The following TRPC4AP variants were observed in gnomAD, a reference collection of about 807,000 sequenced individuals.
The protein encoded by TRPC4AP is transient receptor potential cation channel subfamily C member 4 associated protein.
In TRPC4AP, 45 loss-of-function variants were observed where a neutral mutation model predicts 99.0. The ratio of observed to expected loss-of-function variants is 0.45; its 90% CI spans 0.36 to 0.58. TRPC4AP has a LOEUF of 0.58. Among genes scored for constraint, TRPC4AP ranks in the 20% least tolerant of loss-of-function variants. The pLI is 0.00. For synonymous variants in TRPC4AP, 408 were observed against 385.8 expected (o/e 1.06, Z -0.67); for missense variants, 879 against 985.3 (o/e 0.89, Z 1.44).
rs1297167390 is a variant in TRPC4AP at position 35,003,420 on chromosome 20, C to T, written c.2246G>A (p.Cys749Tyr). 1 of 1,614,104 alleles carries T rather than the reference C, an allele frequency of 6.2e-7. No individual in the cohort carries two copies. The highest frequency in any genetic ancestry group is 8.5e-7 in the Non-Finnish European group (1 of 1,180,020). Reference protein sequence around the residue: ...HYLHKDKDSTCLENSSCISFS... With the variant: ...HYLHKDKDSTYLENSSCISFS... ...GGGTGGGGCACTCACGTTCTCTAGG[C>T]AGGTGCTGTCCTTGTCCTTGTGCAG... Residue 749 changes from cysteine to tyrosine, a missense_variant, in exon 18 of 19, where the codon TGC becomes TAC. Cys to Tyr is a radical substitution (Grantham distance 194). This residue lies in a region of TRPC4AP where 224 missense variants were observed against 264.7 expected (regional missense o/e 0.85). Transcript: ENST00000252015.
At chr20:35,010,450 G>C (rs979080256) in intron 11 of TRPC4AP, among the ~76,000 whole-genome samples, 162 bp from the exon 12 acceptor site, 2 of 152,118 alleles carry the variant, frequency 1.3e-5, no homozygotes, top group African/African-American at 4.8e-5. Flanking sequence ...GCACCTGCAG[G>C]AGGGAACTCT....
At chr20:35,045,034 A>G (rs1025416675) in intron 6 of TRPC4AP, among the ~76,000 whole-genome samples, 8 of 152,168 alleles carry the variant, frequency 5.3e-5, no homozygotes, top group African/African-American at 1.9e-4. Flanking sequence ...CTACCACTCA[A>G]GTTTTGGAAA....
intron 8 of TRPC4AP, among the ~76,000 whole-genome samples, chr20:35,027,643 TG>T (rs2083064000): frequency 6.6e-6 from 1 of 152,226 alleles, no homozygotes; most frequent in Non-Finnish European, 1.5e-5. Context: ...TGAAGCCATG[TG>T]GGCCAGGACT....
At chr20:35,084,000 A>G (rs142373810) in intron 1 of TRPC4AP, among the ~76,000 whole-genome samples, 29 of 152,064 alleles carry the variant, frequency 1.9e-4, no homozygotes, top group East Asian at 5.8e-4. Context: ...GGAACAAATT[A>G]TAAGTATACA....
At chr20:35,024,885 C>CAT (rs2082991514) in intron 8 of TRPC4AP, among the ~76,000 whole-genome samples, 1 of 137,118 alleles carries the variant, frequency 7.3e-6, no homozygotes, top group Non-Finnish European at 1.5e-5. Flanking sequence ...AGGTGACAGT[C>CAT]ATTTGCGTTG....
At chr20:35,017,504 C>T (rs373745235) in intron 9 of TRPC4AP, among the ~76,000 whole-genome samples, 31 of 152,284 alleles carry the variant, frequency 2.0e-4, no homozygotes, top group South Asian at 1.7e-3. Flanking sequence ...TAGCCCTTCT[C>T]GGGGCTGTTG....
At chr20:35,043,024 CT>C (rs1412997979) in intron 7 of TRPC4AP, among the ~76,000 whole-genome samples, 1 of 148,736 alleles carries the variant, frequency 6.7e-6, no homozygotes, top group African/African-American at 2.5e-5. Context: ...TATTCTCCCC[CT>C]GACTTAATAC....
intron 8 of TRPC4AP, among the ~76,000 whole-genome samples, chr20:35,028,123 A>G (rs1435004001): frequency 6.6e-6 from 1 of 152,220 alleles, no homozygotes; most frequent in Non-Finnish European, 1.5e-5. Context: ...GTAGGCATTT[A>G]TAGCTCTAAA....
chr20:35,007,528 C>T (rs368130466), intron 14 of TRPC4AP, 22 bp downstream of exon 14: 1 of 1,612,824 alleles, frequency 6.2e-7, no homozygotes, highest in African/African-American at 1.3e-5. Flanking sequence ...GAACCCAAGA[C>T]ACTGGCTGCT....
intron 1 of TRPC4AP, among the ~76,000 whole-genome samples, chr20:35,087,932 A>C (rs2084932817): frequency 6.6e-6 from 1 of 152,222 alleles, no homozygotes; most frequent in Non-Finnish European, 1.5e-5. Context: ...ATCAGGTCTG[A>C]TGGAAAAGGG....
Position 35,003,524 on chromosome 20 carries a change from C to T in TRPC4AP, c.2142G>A (p.Arg714=), listed in dbSNP as rs777369510. 6 of 1,614,022 alleles carry T rather than the reference C, an allele frequency of 3.7e-6. No individual in the cohort carries two copies. In the South Asian group the frequency reaches 5.5e-5, roughly 15 times the overall value. ...CGGGGTACTTCTTGCTGTGCTCCATCCGCTGCAGCAGCCGCAGGTACAGGG... is the reference window on the plus strand; with the variant it reads ...CGGGGTACTTCTTGCTGTGCTCCATTCGCTGCAGCAGCCGCAGGTACAGGG... The part of the protein sequence containing the change: ...RLPLYLRLLQ[R]MEHSKKYPGF... Residue 714 remains arginine, a synonymous_variant, in exon 18 of 19, where the codon CGG becomes CGA. Transcript: ENST00000252015.
intron 1 of TRPC4AP, among the ~76,000 whole-genome samples, chr20:35,086,557 G>GTATA (rs2084883818): frequency 1.8e-5 from 1 of 56,412 alleles, no homozygotes; most frequent in Non-Finnish European, 3.7e-5. Flanking sequence ...GTGTGTGTGT[G>GTATA]TGTGTGTGTG....
chr20:35,065,134 A>G (rs1038858803), intron 3 of TRPC4AP, among the ~76,000 whole-genome samples: 3 of 152,246 alleles, frequency 2.0e-5, no homozygotes, highest in African/African-American at 7.2e-5. Flanking sequence ...AATGGAAGAT[A>G]GACTATGTCA....
chr20:35,063,002 C>T (rs1190092023), intron 3 of TRPC4AP, among the ~76,000 whole-genome samples: 1 of 152,234 alleles, frequency 6.6e-6, no homozygotes, highest in Non-Finnish European at 1.5e-5. Flanking sequence ...TGTGCCCTCA[C>T]CCAAATCTCA....
chr20:35,063,564 A>G (rs566952927), intron 3 of TRPC4AP, among the ~76,000 whole-genome samples: 1 of 152,282 alleles, frequency 6.6e-6, no homozygotes, highest in East Asian at 1.9e-4. Context: ...ATTTCAATAA[A>G]GCTGTTATTG....
Position 35,059,802 on chromosome 20 carries a change from C to T in TRPC4AP, c.415-2231G>A, listed in dbSNP as rs576788235. Among the ~76,000 whole-genome samples, 33 of 150,336 alleles carry T rather than the reference C, an allele frequency of 2.2e-4. No individual in the cohort carries two copies. In the South Asian group the frequency reaches 6.3e-3, roughly 29 times the overall value. On this transcript the variant is annotated intron_variant, in intron 3 of 18. Coordinates refer to ENST00000252015, the MANE Select transcript of TRPC4AP (RefSeq NM_015638.3). Reference sequence around the variant, plus strand: ...AAGAAGATGAAGAAGAAGGCGAAGACGAAGACAAAGATGAAGACGAAGAAG... The same window carrying T: ...AAGAAGATGAAGAAGAAGGCGAAGATGAAGACAAAGATGAAGACGAAGAAG...
At position 35,078,046 on chromosome 20, in the gene TRPC4AP, C is replaced by T. The variant is rs1466826146; in HGVS notation, c.297G>A (p.Lys99=). Residue 99 remains lysine (K), a splice_region_variant and synonymous_variant, in exon 2 of 19, where the codon AAG becomes AAA. Coordinates refer to ENST00000252015, the MANE Select transcript of TRPC4AP (RefSeq NM_015638.3). ...SDFVECQNIL[K]EISPLLSMEA... Reference sequence around the variant, plus strand: ...CCCCTCCAAGGTCCTTAAGAGTTACCTTGAGGATGTTTTGACACTCAACAA... The same window carrying T: ...CCCCTCCAAGGTCCTTAAGAGTTACTTTGAGGATGTTTTGACACTCAACAA... The T allele has an allele frequency of 1.2e-6, 2 of 1,612,110 alleles. No homozygotes were observed. Among genetic ancestry groups the T allele is most frequent in the East Asian group, 2.2e-5 (1 of 44,846 alleles).
At chr20:35,010,150 G>A in intron 12 of TRPC4AP, 37 bp downstream of exon 12, 1 of 1,594,242 alleles carries the variant, frequency 6.3e-7, no homozygotes, top group Middle Eastern at 1.9e-4. Flanking sequence ...TGGGCAGCCG[G>A]GATGGGCTGA....
At chr20:35,017,646 T>A (rs2082785939) in intron 9 of TRPC4AP, among the ~76,000 whole-genome samples, 1 of 152,180 alleles carries the variant, frequency 6.6e-6, no homozygotes, top group Admixed American at 6.5e-5. Flanking sequence ...GGCACCTAAC[T>A]CAGGTGTTCA....
Sources: gnomAD v4.1 joint callset for allele counts (sites outside exome capture counted in the v4.1 genomes callset) on GRCh38, gnomAD v4.1.1 for gene constraint, gnomAD v4.1.1 regional missense constraint, MANE v1.5 for transcripts, NCBI Gene and HGNC (gene_info 2026-07-23, HGNC 2026-07-21) for gene names.